MOSPD2: variants seen among roughly 807,000 people sequenced by gnomAD.
MOSPD2 encodes motile sperm domain-containing protein 2.
A neutral mutation model predicts 41.7 loss-of-function variants in MOSPD2; 5 were observed. The ratio of observed to expected loss-of-function variants is 0.12; its 90% CI spans 0.06 to 0.25. The LOEUF (loss-of-function observed/expected upper bound fraction) is 0.25. MOSPD2 is among the 10% of genes least tolerant of loss of function. The probability of loss-of-function intolerance (pLI) is 1.00; values close to 1 mark genes in which losing one functional copy is unlikely to be tolerated. For missense variants in MOSPD2, 282 were observed against 375.2 expected (o/e 0.75, Z 2.05); for synonymous variants, 115 against 126.9 (o/e 0.91, Z 0.63).
chrX:14,915,420 A>G (rs1445400812), intron 11 of MOSPD2: 1 of 120,192 alleles, frequency 8.3e-6, no homozygotes, highest in Admixed American at 9.5e-5. Context: ...ATTCACTGCT[A>G]ATTTTTTTTT....
Position 14,921,359 on chromosome X carries a change from A to G in MOSPD2, c.*1550A>G. ...GACACTGGTGTGCTACTTTGTCTTA[A>G]TTTGGGCTTTTCTGTTTCAGTTTGC... On this transcript the variant is annotated 3_prime_UTR_variant, in exon 15 of 15. Coordinates refer to ENST00000380492, the MANE Select transcript of MOSPD2 (RefSeq NM_152581.4). 2.1e-6 allele frequency: 2 copies of G among 937,091 alleles called. No individual in the cohort carries two copies. Among genetic ancestry groups the G allele is most frequent in the South Asian group, 1.2e-4 (2 of 17,012 alleles). The allele number at this position is 937,091 out of a possible 1,213,427, so 77.2% of individuals were successfully genotyped here. A position where few individuals can be genotyped will look rare whatever the true frequency, so the allele number is the denominator to read the frequency against.
chrX:14,911,461 C>T (rs2092591629), intron 9 of MOSPD2, 48 bp downstream of exon 9: 1 of 960,569 alleles, frequency 1.0e-6, no homozygotes, highest in African/African-American at 1.9e-5. Flanking sequence ...GTGGTCTATC[C>T]CCAATTCTGA....
At chrX:14,893,337 C>T (rs1367514703) in intron 3 of MOSPD2, 1 of 112,275 alleles carries the variant, frequency 8.9e-6, no homozygotes, top group Non-Finnish European at 1.9e-5. Flanking sequence ...AGCTTATCCC[C>T]AAGGAAGCCT....
chrX:14,909,523 T>C (rs2092587956), intron 8 of MOSPD2, among the ~76,000 whole-genome samples: 1 of 111,543 alleles, frequency 9.0e-6, no homozygotes, highest in Non-Finnish European at 1.9e-5. Flanking sequence ...TTCCTCTTGA[T>C]GTGTCTTTAG....
rs2092607319 is a variant in MOSPD2 at position 14,920,293 on chromosome X, A to G, written c.*484A>G. The stretch of plus-strand genomic sequence containing the variant: ...ATATTGAGAAAGAAAACATACTTAT[A>G]TAGAGGAATTTATGTAACCATGACT... On this transcript the variant is annotated 3_prime_UTR_variant, in exon 15 of 15. Coordinates refer to ENST00000380492, the MANE Select transcript of MOSPD2 (RefSeq NM_152581.4). 5.3e-6 allele frequency: 4 copies of G among 748,359 alleles called. No individual in the cohort carries two copies. Among genetic ancestry groups the G allele is most frequent in the Non-Finnish European group, 6.3e-6 (4 of 634,927 alleles). 61.7% of individuals were successfully genotyped at this position (748,359 alleles called of 1,213,427 possible).
At chrX:14,878,963 T>C (rs1332909534) in intron 2 of MOSPD2, among the ~76,000 whole-genome samples, 1 of 112,053 alleles carries the variant, frequency 8.9e-6, no homozygotes, top group Non-Finnish European at 1.9e-5. Context: ...AGGGAACAGT[T>C]TTCTGCATTT....
intron 4 of MOSPD2, 55 bp from the exon 5 acceptor site, chrX:14,897,029 A>G: frequency 1.1e-6 from 1 of 950,143 alleles, no homozygotes; most frequent in Non-Finnish European, 1.4e-6. Flanking sequence ...ATATATATGT[A>G]TAATAATATT....
chrX:14,916,576 C>T (rs1013059854), intron 13 of MOSPD2, among the ~76,000 whole-genome samples: 11 of 112,163 alleles, frequency 9.8e-5, no homozygotes, highest in Middle Eastern at 4.6e-3. Flanking sequence ...AGCAGTTCTC[C>T]CTGTAGGAGT....
rs150855218 is a variant in MOSPD2, at chrX:14,914,498, C to A, written c.993-5C>A. ...CAAATGTCTTATGTTTTTGTCACTC[C>A]CTAGCCCAGCAGAAGAACTGTACTT... On this transcript the variant is annotated splice_region_variant and splice_polypyrimidine_tract_variant and intron_variant, in intron 10 of 14. Coordinates refer to ENST00000380492, the MANE Select transcript of MOSPD2 (RefSeq NM_152581.4). 1.0e-3 allele frequency: 1,176 copies of A among 1,153,112 alleles called. 9 individuals are homozygous for A. The African/African-American group carries it at 0.018, about 17-fold the overall frequency.
chrX:14,873,872 G>T, intron 2 of MOSPD2, 114 bp downstream of exon 2: 1 of 615,378 alleles, frequency 1.6e-6, no homozygotes, highest in South Asian at 2.3e-5. Flanking sequence ...GACCCTCACA[G>T]GAATGATGCT....
intron 7 of MOSPD2, 60 bp from the exon 8 acceptor site, chrX:14,908,800 G>T: frequency 9.3e-7 from 1 of 1,077,821 alleles, no homozygotes; most frequent in Non-Finnish European, 1.2e-6. Context: ...AGCATTTATG[G>T]TAAATTAATT....
intron 7 of MOSPD2, among the ~76,000 whole-genome samples, chrX:14,906,381 G>T (rs1276083202): frequency 9.0e-6 from 1 of 110,833 alleles, no homozygotes; most frequent in Non-Finnish European, 1.9e-5. Context: ...AGGACAACTG[G>T]GTATCCACAT....
At chrX:14,894,762 G>T (rs1003219421) in intron 3 of MOSPD2, among the ~76,000 whole-genome samples, 11 of 110,731 alleles carry the variant, frequency 9.9e-5, no homozygotes, top group African/African-American at 3.6e-4. Flanking sequence ...CATTTTTCTT[G>T]AAGTATTTTC....
At chrX:14,884,570 G>A (rs1277394168) in intron 2 of MOSPD2, among the ~76,000 whole-genome samples, 1 of 111,419 alleles carries the variant, frequency 9.0e-6, no homozygotes, top group Non-Finnish European at 1.9e-5. Flanking sequence ...AAAACACAGA[G>A]GAAGACAGCA....
At position 14,873,442 on chromosome X, in the gene MOSPD2, G is replaced by T; in HGVS notation, c.-87G>T. On this transcript the variant is annotated 5_prime_UTR_variant, in exon 1 of 15. Coordinates refer to ENST00000380492, the MANE Select transcript of MOSPD2 (RefSeq NM_152581.4). ...TCCCACCCTTCTCTGTCTACCTCTG[G>T]GCGGGACTGCCGGGTGATGAGATAC... The T allele has an allele frequency of 8.5e-7, 1 of 1,182,099 alleles. No individual in the cohort carries two copies. The highest frequency in any genetic ancestry group is 1.2e-6 in the Non-Finnish European group (1 of 869,175).
chrX:14,885,268 C>A (rs2092539037), intron 2 of MOSPD2: 2 of 111,698 alleles, frequency 1.8e-5, no homozygotes, highest in Non-Finnish European at 3.8e-5. Context: ...CATGCCCATA[C>A]ATTATTAAGC....
chrX:14,911,130 CTAAT>C (rs1195399709), intron 8 of MOSPD2, 103 bp from the exon 9 acceptor site: 15 of 641,087 alleles, frequency 2.3e-5, no homozygotes, highest in Non-Finnish European at 3.5e-5. Context: ...ATTTCATGAT[CTAAT>C]TAAGTCTGTT....
chrX:14,913,957 A>G (rs974795128), intron 10 of MOSPD2, among the ~76,000 whole-genome samples: 4 of 111,620 alleles, frequency 3.6e-5, no homozygotes, highest in Non-Finnish European at 5.7e-5. Context: ...AGTTCTTCCT[A>G]CAGCTCCCAT....
intron 7 of MOSPD2, among the ~76,000 whole-genome samples, chrX:14,906,960 G>A (rs1602036460): frequency 8.9e-6 from 1 of 111,862 alleles, no homozygotes. Context: ...GGAGGCAGAG[G>A]TTGCAGTGAG....
Sources: gnomAD v4.1 joint callset for allele counts (sites outside exome capture counted in the v4.1 genomes callset) on GRCh38, gnomAD v4.1.1 for gene constraint, MANE v1.5 for transcripts, NCBI Gene and HGNC (gene_info 2026-07-23, HGNC 2026-07-21) for gene names.